The following DIS3L variants were observed in gnomAD, a reference collection of about 807,000 sequenced individuals.
DIS3L encodes the protein DIS3-like exonuclease 1.
In DIS3L, 100 loss-of-function variants were observed where a neutral mutation model predicts 120.3. That is an observed-to-expected ratio of 0.83 (90% CI 0.71 to 0.98). The LOEUF is 0.98. Ranked by LOEUF, DIS3L falls within the 50% of genes least tolerant of loss-of-function variation. DIS3L has a pLI of 0.00. For synonymous variants in DIS3L, 426 were observed against 470.6 expected (o/e 0.91, Z 1.23); for missense variants, 1,196 against 1,314.2 (o/e 0.91, Z 1.39).
chr15:66,307,549 G>T (rs1387488330), intron 3 of DIS3L, among the ~76,000 whole-genome samples: 1 of 152,064 alleles, frequency 6.6e-6, no homozygotes, highest in Non-Finnish European at 1.5e-5. Flanking sequence ...CAATCCACTT[G>T]TCTTGGCCTC....
In DIS3L at chr15:66,325,957, T is replaced by C; in HGVS notation, c.1794T>C (p.Asp598=). 1.2e-6 allele frequency: 2 copies of C among 1,614,158 alleles called. No individual in the cohort carries two copies. The highest frequency in any genetic ancestry group is 1.7e-6 in the Non-Finnish European group (2 of 1,180,040). Residue 598 remains aspartate (D), a synonymous_variant, in exon 12 of 17, where the codon GAT becomes GAC. Coordinates refer to ENST00000319212, the MANE Select transcript of DIS3L (RefSeq NM_001143688.3). ...ATGAAGCAGCCCAAGAACTACTGGA[T>C]GGAAACTTAAGCGTTGTTGATGATA... ...LFYEAAQELL[D]GNLSVVDDIP...
chr15:66,309,094 A>AAAAAAAATATATATATATAT, intron 4 of DIS3L, among the ~76,000 whole-genome samples: 2 of 15,314 alleles, frequency 1.3e-4, no homozygotes, highest in African/African-American at 3.9e-4. Context: ...AAAAAAAAAA[A>AAAAAAAATATATATATATAT]ATATATATAT....
rs1164994045 is a variant in DIS3L, at chr15:66,306,878, C to G, written c.348C>G (p.Leu116=). Residue 116 remains leucine (L), a synonymous_variant, in exon 3 of 17, where the codon CTC becomes CTG. Coordinates refer to ENST00000319212, the MANE Select transcript of DIS3L (RefSeq NM_001143688.3). ...LLKDARHDCI[L]FANEFQQCCY... ...AGGATGCGCGTCATGATTGCATTCT[C>G]TTTGCTAATGAATTCCAGCAATGCT... 6.2e-7 allele frequency: 1 copy of G among 1,614,186 alleles called. No homozygotes were observed. Among genetic ancestry groups the G allele is most frequent in the Non-Finnish European group, 8.5e-7 (1 of 1,180,024 alleles).
chr15:66,326,778 C>T (rs761462132), intron 12 of DIS3L, among the ~76,000 whole-genome samples: 13 of 151,882 alleles, frequency 8.6e-5, no homozygotes, highest in Non-Finnish European at 1.8e-4. Context: ...GACAGGGTTT[C>T]GCCATGTTGG....
rs148691060 is a variant in DIS3L at position 66,311,737 on chromosome 15, A to G, written c.572A>G (p.Asn191Ser). The G allele has an allele frequency of 3.1e-6, 5 of 1,613,846 alleles. No homozygotes were observed. The highest frequency in any genetic ancestry group is 4.2e-6 in the Non-Finnish European group (5 of 1,179,958). ...FVITFKNYLDNFWPDLKAAHE... is the reference protein window; with the variant it reads ...FVITFKNYLDSFWPDLKAAHE... ...TATTAAATACAGAATTACCTGGACA[A>G]TTTCTGGCCTGATTTAAAAGCTGCC... Residue 191 changes from asparagine (N) to serine (S), a missense_variant, in exon 5 of 17, where the codon AAT becomes AGT. By Grantham distance (46) the Asn-to-Ser change is conservative. Coordinates refer to ENST00000319212, the MANE Select transcript of DIS3L (RefSeq NM_001143688.3).
At chr15:66,332,707 T>C in intron 15 of DIS3L, 29 bp from the exon 16 acceptor site, 1 of 1,569,608 alleles carries the variant, frequency 6.4e-7, no homozygotes, top group Non-Finnish European at 8.7e-7. Flanking sequence ...ATACATTGTC[T>C]CTGGATTTAT....
chr15:66,314,938 A>G, intron 6 of DIS3L, 98 bp from the exon 7 acceptor site: 1 of 1,252,476 alleles, frequency 8.0e-7, no homozygotes, highest in Non-Finnish European at 1.1e-6. Context: ...TACTTGCAGG[A>G]GTACTGATTA....
intron 14 of DIS3L, chr15:66,330,520 T>C: frequency 1.0e-6 from 1 of 985,366 alleles, no homozygotes; most frequent in Non-Finnish European, 1.2e-6. Context: ...TATCCAATGG[T>C]ATAGTTGTCT....
rs777375660 is a variant in DIS3L at position 66,326,345 on chromosome 15, G to A, written c.2182G>A (p.Gly728Ser). 9.9e-6 allele frequency: 16 copies of A among 1,614,084 alleles called. No individual in the cohort carries two copies. Among genetic ancestry groups the A allele is most frequent in the Non-Finnish European group, 1.4e-5 (16 of 1,180,030 alleles). ...ACTCCGGGAATGTGCTAAAGCCAAAGGCTTCTTCATAGATACACGGTATTC... is the reference window on the plus strand; with the variant it reads ...ACTCCGGGAATGTGCTAAAGCCAAAAGCTTCTTCATAGATACACGGTATTC... ...SELRECAKAK[G>S]FFIDTRSNKT... The change falls in exon 12 of 17, where the codon GGC becomes AGC. Residue 728 changes from glycine to serine, a missense_variant. Coordinates refer to ENST00000319212, the MANE Select transcript of DIS3L (RefSeq NM_001143688.3).
At position 66,329,289 on chromosome 15, in the gene DIS3L, C is replaced by T. The variant is rs1236068155; in HGVS notation, c.2425C>T (p.Arg809Cys). ...IRRYSDIVVHRLLMAAISKDK... is the reference protein window; with the variant it reads ...IRRYSDIVVHCLLMAAISKDK... The stretch of plus-strand genomic sequence containing the variant: ...AAGATATTCAGATATTGTAGTACAC[C>T]GCTTGTTAATGGCAGCCATTTCAAA... Residue 809 changes from arginine (R) to cysteine (C), a missense_variant, in exon 14 of 17, where the codon CGC becomes TGC. By Grantham distance (180) the Arg-to-Cys change is radical. Transcript: ENST00000319212. 9 of 1,613,742 alleles carry T rather than the reference C, an allele frequency of 5.6e-6. No individual in the cohort carries two copies. Among genetic ancestry groups the T allele is most frequent in the Middle Eastern group, 1.6e-4 (1 of 6,084 alleles).
chr15:66,311,547 A>AG (rs1491514136), intron 4 of DIS3L, among the ~76,000 whole-genome samples, 177 bp from the exon 5 acceptor site: 1 of 152,098 alleles, frequency 6.6e-6, no homozygotes, highest in Non-Finnish European at 1.5e-5. Flanking sequence ...TGGCAGGCTC[A>AG]GGGGTTAATG....
At chr15:66,310,601 C>G (rs1566943358) in intron 4 of DIS3L, among the ~76,000 whole-genome samples, 1 of 152,070 alleles carries the variant, frequency 6.6e-6, no homozygotes, top group Admixed American at 6.6e-5. Flanking sequence ...TTCATAATGA[C>G]AAAGTGTAGT....
At chr15:66,332,154 C>A (rs1489203414) in intron 15 of DIS3L, 134 bp downstream of exon 15, 2 of 949,136 alleles carry the variant, frequency 2.1e-6, no homozygotes, top group African/African-American at 1.7e-5. Context: ...ATGTATAATT[C>A]AGTATATAAA....
At chr15:66,301,288 T>C (rs75484573) in intron 2 of DIS3L, among the ~76,000 whole-genome samples, 12,482 of 151,936 alleles carry the variant, frequency 0.082, 677 homozygotes, top group Middle Eastern at 0.13. Context: ...TTTATTTATT[T>C]ATTTATTTAT....
At chr15:66,320,513 T>C in intron 8 of DIS3L, 58 bp from the exon 9 acceptor site, 2 of 1,541,590 alleles carry the variant, frequency 1.3e-6, no homozygotes, top group Admixed American at 2.1e-5. Flanking sequence ...TTGATGCCTC[T>C]AATTGACCCA....
At position 66,332,740 on chromosome 15, in the gene DIS3L, G is replaced by C. The variant is rs774715101; in HGVS notation, c.2686G>C (p.Gly896Arg). Residue 896 changes from glycine to arginine, a missense_variant, in exon 16 of 17, where the codon GGG becomes CGG. Physicochemically the swap from Gly to Arg is moderately radical, Grantham distance 125 (BLOSUM62 -2). Transcript: ENST00000319212. ...NGVLLFIPRF[G>R]IKGAAYLKNK... ...TATATTCTGGTCATAATATAGGTTT[G>C]GGATTAAAGGTGCTGCTTATCTAAA... 1 of 1,610,922 alleles carries C rather than the reference G, an allele frequency of 6.2e-7. No individual in the cohort carries two copies. The highest frequency in any genetic ancestry group is 8.5e-7 in the Non-Finnish European group (1 of 1,178,652).
At chr15:66,316,389 C>A (rs1309831180) in intron 7 of DIS3L, among the ~76,000 whole-genome samples, 1 of 152,120 alleles carries the variant, frequency 6.6e-6, no homozygotes, top group Non-Finnish European at 1.5e-5. Context: ...GCCATACTTC[C>A]CCCACAGCTC....
intron 8 of DIS3L, among the ~76,000 whole-genome samples, chr15:66,319,597 A>G (rs2092858352): frequency 6.6e-6 from 1 of 152,226 alleles, no homozygotes; most frequent in African/African-American, 2.4e-5. Flanking sequence ...GCATTGCCCA[A>G]TTTAATTCCC....
In DIS3L at chr15:66,309,094, A is replaced by AAAAAAAAAAAAAAAATAT; in HGVS notation, c.558+251_558+252insAAAAAAAAAAAAAATATA. ...CTTGTCTCTACAGAAAAAAAAAAAAAATATATATATCTCCAAGCATGGTGG... is the reference window on the plus strand; with the variant it reads ...CTTGTCTCTACAGAAAAAAAAAAAAAAAAAAAAAAAAAAAATATATATATATATCTCCAAGCATGGTGG... On this transcript the variant is annotated intron_variant, in intron 4 of 16. Coordinates refer to ENST00000319212, the MANE Select transcript of DIS3L (RefSeq NM_001143688.3). 3.9e-4 allele frequency among the ~76,000 whole-genome samples: 6 copies of AAAAAAAAAAAAAAAATAT among 15,316 alleles called. 2 individuals are homozygous for AAAAAAAAAAAAAAAATAT. Among genetic ancestry groups the AAAAAAAAAAAAAAAATAT allele is most frequent in the Admixed American group, 1.6e-3 (1 of 620 alleles). 10.0% of individuals were successfully genotyped at this position (15,316 alleles called of 152,430 possible). A position where few individuals can be genotyped will look rare whatever the true frequency, so the allele number is the denominator to read the frequency against.
Sources: gnomAD v4.1 joint callset for allele counts (sites outside exome capture counted in the v4.1 genomes callset) on GRCh38, gnomAD v4.1.1 for gene constraint, MANE v1.5 for transcripts, NCBI Gene and HGNC (gene_info 2026-07-23, HGNC 2026-07-21) for gene names.